The following CDC42SE2 variants were observed in gnomAD, a reference collection of about 807,000 sequenced individuals.
The protein encoded by CDC42SE2 is CDC42 small effector protein 2.
CDC42SE2 carries 3 observed loss-of-function variants against 11.5 expected under a neutral mutation model. The observed-to-expected ratio is 0.26, with a 90% confidence interval of 0.12 to 0.67. CDC42SE2 has a LOEUF of 0.67. Among genes scored for constraint, CDC42SE2 ranks in the 30% least tolerant of loss-of-function variants. The pLI is 0.80. For synonymous variants in CDC42SE2, 33 were observed against 34.8 expected, an observed-to-expected ratio of 0.95 and a Z score of 0.18; for missense variants, 82 against 106.8, an observed-to-expected ratio of 0.77 and a Z score of 1.02.
At chr5:131,316,263 C>T (rs1287063418) in intron 2 of CDC42SE2, 119 bp downstream of exon 2, 3 of 152,352 alleles carry the variant, frequency 2.0e-5, no homozygotes, top group Admixed American at 2.0e-4. Flanking sequence ...CAGAGGAGGA[C>T]AGCAGTGCAG....
intron 1 of CDC42SE2, among the ~76,000 whole-genome samples, chr5:131,254,885 G>A (rs1756668456): frequency 6.6e-6 from 1 of 151,864 alleles, no homozygotes; most frequent in Admixed American, 6.6e-5. Flanking sequence ...ATGTAGCTTC[G>A]ATTTGTCATA....
chr5:131,329,879 C>A (rs1364398312), intron 2 of CDC42SE2, among the ~76,000 whole-genome samples: 3 of 56,626 alleles, frequency 5.3e-5, no homozygotes, highest in African/African-American at 5.2e-5. Context: ...AACTCCATCT[C>A]AAAAAAAAAA....
At chr5:131,363,416 G>A (rs527262960) in intron 3 of CDC42SE2, among the ~76,000 whole-genome samples, 2 of 151,970 alleles carry the variant, frequency 1.3e-5, no homozygotes, top group African/African-American at 2.4e-5. Flanking sequence ...TGCTCTTGTC[G>A]CCTAGGCTGG....
At chr5:131,327,744 G>A (rs1170126271) in intron 2 of CDC42SE2, among the ~76,000 whole-genome samples, 1 of 152,152 alleles carries the variant, frequency 6.6e-6, no homozygotes, top group East Asian at 1.9e-4. Context: ...TAGTGTTAAT[G>A]TTTATAGATT....
intron 1 of CDC42SE2, among the ~76,000 whole-genome samples, chr5:131,297,651 C>T (rs555266934): frequency 3.9e-5 from 6 of 152,048 alleles, no homozygotes; most frequent in African/African-American, 1.4e-4. Flanking sequence ...ACCCGGGAGG[C>T]GGAGCTTGCA....
At chr5:131,232,600 G>A in the CDC42SE2 span, among the ~76,000 whole-genome samples, 56 of 151,862 alleles carry the variant, frequency 3.7e-4, no homozygotes, top group Middle Eastern at 6.8e-3. Flanking sequence ...CAGGTGTGTT[G>A]GCGGGCGCCT....
intron 2 of CDC42SE2, among the ~76,000 whole-genome samples, chr5:131,328,208 G>A (rs967210181): frequency 6.6e-6 from 1 of 152,142 alleles, no homozygotes; most frequent in Non-Finnish European, 1.5e-5. Context: ...CCTGCTGCAA[G>A]GATTATGGAT....
intron 1 of CDC42SE2, among the ~76,000 whole-genome samples, chr5:131,295,019 C>T (rs547847537): frequency 9.7e-4 from 147 of 151,662 alleles, no homozygotes; most frequent in Middle Eastern, 6.9e-3. Context: ...CCCAGCTACT[C>T]GGGAGGCTGA....
At chr5:131,372,916 G>A (rs1209632719) in intron 3 of CDC42SE2, among the ~76,000 whole-genome samples, 1 of 152,172 alleles carries the variant, frequency 6.6e-6, no homozygotes, top group Non-Finnish European at 1.5e-5. Flanking sequence ...TGGCATAAGT[G>A]AATGCTCTTA....
intron 1 of CDC42SE2, among the ~76,000 whole-genome samples, chr5:131,284,211 G>A (rs1757296079): frequency 1.3e-5 from 2 of 152,136 alleles, no homozygotes; most frequent in Admixed American, 6.6e-5. Flanking sequence ...ATGTCCCATT[G>A]CATGGATATA....
chr5:131,246,430 G>C (rs1268917676), intron 1 of CDC42SE2, among the ~76,000 whole-genome samples: 1 of 152,054 alleles, frequency 6.6e-6, no homozygotes, highest in East Asian at 1.9e-4. Flanking sequence ...CTCCAGCCTG[G>C]GTGACAAGAG....
At chr5:131,329,968 A>G (rs895523775) in intron 2 of CDC42SE2, among the ~76,000 whole-genome samples, 1 of 151,046 alleles carries the variant, frequency 6.6e-6, no homozygotes, top group African/African-American at 2.4e-5. Context: ...AACTACCTCA[A>G]AATTCAGTGG....
At chr5:131,350,042 T>C (rs2149761910) in intron 2 of CDC42SE2, among the ~76,000 whole-genome samples, 1 of 152,224 alleles carries the variant, frequency 6.6e-6, no homozygotes, top group African/African-American at 2.4e-5. Flanking sequence ...GTCAACATCA[T>C]AGATTACAGA....
rs560920976 is a variant in CDC42SE2, at chr5:131,311,349, G to A, written c.-454-4627G>A. Reference sequence around the variant, plus strand: ...ATGGGCTTCCCTTTGTGGGTAACCCGACTTTTCTCTCTGGCTGCCCTTAAT... The same window carrying A: ...ATGGGCTTCCCTTTGTGGGTAACCCAACTTTTCTCTCTGGCTGCCCTTAAT... On this transcript the variant is annotated intron_variant, in intron 1 of 4. Coordinates refer to ENST00000505065, the MANE Select transcript of CDC42SE2 (RefSeq NM_001375635.1). Among the ~76,000 whole-genome samples, 797 of 152,140 alleles carry A rather than the reference G, an allele frequency of 5.2e-3. 1 individual carries two copies. The highest frequency in any genetic ancestry group is 8.6e-3 in the Non-Finnish European group (584 of 67,996).
intron 2 of CDC42SE2, among the ~76,000 whole-genome samples, chr5:131,317,714 T>C (rs1421705211): frequency 6.6e-6 from 1 of 152,096 alleles, no homozygotes; most frequent in African/African-American, 2.4e-5. Flanking sequence ...AAGTATGGAA[T>C]GAGAACCTCT....
the CDC42SE2 span, among the ~76,000 whole-genome samples, chr5:131,210,606 A>C: frequency 6.6e-6 from 1 of 151,948 alleles, no homozygotes; most frequent in African/African-American, 2.4e-5. Context: ...TTACCCTCTC[A>C]TTTTGCTGCT....
intron 2 of CDC42SE2, among the ~76,000 whole-genome samples, chr5:131,328,654 C>T (rs1758346491): frequency 6.6e-6 from 1 of 152,144 alleles, no homozygotes; most frequent in African/African-American, 2.4e-5. Context: ...AGTAATACTG[C>T]TTCAGATGGC....
intron 1 of CDC42SE2, among the ~76,000 whole-genome samples, chr5:131,278,711 T>TCTCCC (rs1248216912): frequency 1.1e-4 from 4 of 36,446 alleles, no homozygotes; most frequent in Admixed American, 6.7e-4. Flanking sequence ...TTTCCTTTCC[T>TCTCCC]CTCCCCTCCC....
At chr5:131,226,765 G>A in the CDC42SE2 span, among the ~76,000 whole-genome samples, 7 of 152,170 alleles carry the variant, frequency 4.6e-5, no homozygotes, top group Non-Finnish European at 8.8e-5. Flanking sequence ...ATTCTGGCAT[G>A]TTTAGTTGGA....
Sources: gnomAD v4.1 joint callset for allele counts (sites outside exome capture counted in the v4.1 genomes callset) on GRCh38, gnomAD v4.1.1 for gene constraint, MANE v1.5 for transcripts, NCBI Gene and HGNC (gene_info 2026-07-23, HGNC 2026-07-21) for gene names.